The following AKAP9 variants were observed in gnomAD, a reference collection of about 807,000 sequenced individuals.
AKAP9 encodes the protein A-kinase anchoring protein 9, also known as A-kinase anchor protein 9.
AKAP9 carries 311 observed loss-of-function variants against 488.5 expected under a neutral mutation model. The ratio of observed to expected loss-of-function variants is 0.64; its 90% confidence interval spans 0.58 to 0.70. AKAP9 has a LOEUF of 0.70. Ranked by LOEUF, AKAP9 falls within the 30% of genes least tolerant of loss-of-function variation. The pLI, the probability that AKAP9 is intolerant of heterozygous loss-of-function variation, is 0.00. For synonymous variants in AKAP9, 1,462 were observed against 1,483.5 expected, an observed-to-expected ratio of 0.99 and a Z score of 0.33; for missense variants, 4,215 against 4,374.5, an observed-to-expected ratio of 0.96 and a Z score of 1.03.
In AKAP9 at chr7:92,093,335, T is replaced by C. The variant is rs1278216119; in HGVS notation, c.9578+19T>C. On this transcript the variant is annotated intron_variant, in intron 39 of 49. Coordinates refer to ENST00000356239, the MANE Select transcript of AKAP9 (RefSeq NM_005751.5). ...CTTTCAGGTGTGCCAGGCTTCCTTATTAAAAACATGTAACAAGGAGTGGGA... is the reference window on the plus strand; with the variant it reads ...CTTTCAGGTGTGCCAGGCTTCCTTACTAAAAACATGTAACAAGGAGTGGGA... 2 of 1,609,434 alleles carry C rather than the reference T, an allele frequency of 1.2e-6. No individual in the cohort carries two copies. The highest frequency in any genetic ancestry group is 1.7e-4 in the Middle Eastern group (1 of 6,058).
chr7:92,038,380 C>T (rs1805524646), intron 16 of AKAP9, 39 bp from the exon 17 acceptor site: 1 of 1,516,610 alleles, frequency 6.6e-7, no homozygotes, highest in South Asian at 1.1e-5. Flanking sequence ...GCTGATATTT[C>T]TAAATCTAAT....
intron 3 of AKAP9, among the ~76,000 whole-genome samples, chr7:91,987,068 T>A (rs1377469643): frequency 6.6e-6 from 1 of 152,056 alleles, no homozygotes; most frequent in African/African-American, 2.4e-5. Flanking sequence ...ACTAAATTGA[T>A]GAGCTATCTT....
intron 12 of AKAP9, among the ~76,000 whole-genome samples, chr7:92,017,950 G>C (rs937412374): frequency 6.6e-6 from 1 of 152,036 alleles, no homozygotes; most frequent in Non-Finnish European, 1.5e-5. Flanking sequence ...GTTCATTATG[G>C]ATTTATGCCT....
At chr7:91,958,774 A>G (rs1793360449) in intron 1 of AKAP9, among the ~76,000 whole-genome samples, 1 of 152,080 alleles carries the variant, frequency 6.6e-6, no homozygotes, top group African/African-American at 2.4e-5. Flanking sequence ...TGCATAAGTA[A>G]AACGTTACTT....
chr7:92,046,100 C>T (rs1806947063), intron 21 of AKAP9, among the ~76,000 whole-genome samples: 1 of 152,150 alleles, frequency 6.6e-6, no homozygotes, highest in African/African-American at 2.4e-5. Flanking sequence ...TCCCAAAGTG[C>T]TAGGATTACA....
chr7:92,000,293 A>G (rs1226710262), intron 7 of AKAP9, among the ~76,000 whole-genome samples: 2 of 152,224 alleles, frequency 1.3e-5, no homozygotes, highest in Non-Finnish European at 2.9e-5. Context: ...AGCATTGCAT[A>G]TCTCTAAATT....
intron 40 of AKAP9, among the ~76,000 whole-genome samples, chr7:92,096,325 G>GTT (rs1317341863): frequency 2.1e-5 from 3 of 140,406 alleles, no homozygotes; most frequent in African/African-American, 2.8e-5. Flanking sequence ...TACTTCTGAA[G>GTT]TTTTTTTTGT....
intron 12 of AKAP9, among the ~76,000 whole-genome samples, chr7:92,022,024 T>G (rs552131272): frequency 6.6e-6 from 1 of 152,336 alleles, no homozygotes; most frequent in Admixed American, 6.5e-5. Context: ...AGAACATTAC[T>G]AATATAATTT....
At chr7:92,015,656 G>T (rs762391543) in intron 10 of AKAP9, among the ~76,000 whole-genome samples, 1 of 151,992 alleles carries the variant, frequency 6.6e-6, no homozygotes, top group Non-Finnish European at 1.5e-5. Context: ...GAGCCACCAC[G>T]CCTGGCCTCT....
intron 1 of AKAP9, among the ~76,000 whole-genome samples, chr7:91,954,078 T>C (rs974835651): frequency 1.3e-5 from 2 of 152,078 alleles, no homozygotes; most frequent in Non-Finnish European, 2.9e-5. Flanking sequence ...GGAAGGTCAG[T>C]GTATAGCTGG....
At chr7:92,070,461 T>G (rs1305871184) in intron 27 of AKAP9, among the ~76,000 whole-genome samples, 2 of 151,784 alleles carry the variant, frequency 1.3e-5, no homozygotes, top group Middle Eastern at 3.4e-3. Context: ...GGAGACATAG[T>G]TTCGCTCTTC....
intron 3 of AKAP9, among the ~76,000 whole-genome samples, chr7:91,988,208 A>G (rs1334605143): frequency 6.6e-6 from 1 of 150,942 alleles, no homozygotes; most frequent in Non-Finnish European, 1.5e-5. Flanking sequence ...GTCATACTGT[A>G]AGAATAAGTA....
intron 3 of AKAP9, among the ~76,000 whole-genome samples, chr7:91,988,401 T>C (rs2130620952): frequency 6.6e-6 from 1 of 150,906 alleles, no homozygotes; most frequent in Non-Finnish European, 1.5e-5. Context: ...ACCCAGGAGT[T>C]TGAGTTTGCA....
intron 21 of AKAP9, among the ~76,000 whole-genome samples, chr7:92,046,070 G>T (rs966510954): frequency 3.3e-5 from 5 of 152,116 alleles, no homozygotes; most frequent in Non-Finnish European, 2.9e-5. Context: ...CTGACCTCAG[G>T]TGATCTCCCT....
intron 7 of AKAP9, among the ~76,000 whole-genome samples, chr7:91,999,209 CA>C (rs1292110944): frequency 2.9e-4 from 44 of 152,072 alleles, no homozygotes; most frequent in Non-Finnish European, 5.4e-4. Flanking sequence ...TCAGATTTTT[CA>C]AAGTTAACGA....
chr7:92,013,181 C>T (rs1020923076), intron 9 of AKAP9, among the ~76,000 whole-genome samples: 4 of 150,258 alleles, frequency 2.7e-5, no homozygotes, highest in Admixed American at 6.6e-5. Context: ...TTAGTAGAGA[C>T]GGGGTTTCAC....
chr7:92,064,123 C>T (rs1810371338), intron 24 of AKAP9, among the ~76,000 whole-genome samples: 1 of 152,158 alleles, frequency 6.6e-6, no homozygotes, highest in African/African-American at 2.4e-5. Flanking sequence ...ATGTATTAAA[C>T]TCTTTCAATC....
chr7:92,029,889 A>G lies in AKAP9; in HGVS notation c.4149-6A>G. 6.2e-7 allele frequency: 1 copy of G among 1,605,044 alleles called. No individual in the cohort carries two copies. The highest frequency in any genetic ancestry group is 8.5e-7 in the Non-Finnish European group (1 of 1,171,932). ...TAATTCTTTAACCTTTTTTATTTAT[A>G]TTCAGCTTACCTGTTGATTCGGTGG... On this transcript the variant is annotated splice_region_variant and splice_polypyrimidine_tract_variant and intron_variant, in intron 14 of 49. Transcript: ENST00000356239.
chr7:92,000,757 C>G (rs979306239), intron 7 of AKAP9, 91 bp from the exon 8 acceptor site: 1 of 696,210 alleles, frequency 1.4e-6, no homozygotes, highest in Non-Finnish European at 2.3e-6. Flanking sequence ...AAAAGAGAAA[C>G]TTCTGTCAGT....
Sources: allele counts gnomAD v4.1 joint callset (sites outside exome capture counted in the v4.1 genomes callset), GRCh38; gene constraint gnomAD v4.1.1; transcripts MANE v1.5; gene names NCBI Gene and HGNC (gene_info 2026-07-23, HGNC 2026-07-21).